Variants in COL21A1 observed in about 807,000 individuals in gnomAD.
The protein encoded by COL21A1 is collagen type XXI alpha 1 chain.
A neutral mutation model predicts 137.9 loss-of-function variants in COL21A1; 149 were observed. That is an observed-to-expected ratio of 1.08 (90% CI 0.95 to 1.24). The LOEUF is 1.24. Among genes scored for constraint, COL21A1 ranks in the 50% most tolerant of loss-of-function variants. The pLI, the probability that COL21A1 is intolerant of heterozygous loss-of-function variation, is 0.00. For missense variants in COL21A1, 1,167 were observed against 1,158.4 expected (o/e 1.01, Z -0.11); for synonymous variants, 456 against 391.5 (o/e 1.16, Z -1.95).
In COL21A1 at chr6:56,180,247, G is replaced by A; in HGVS notation, c.89-118C>T. ...TATCATTGCTTATTTTAAATTGTCT[G>A]TGAAATATGTTTAGCTTAATGCTAA... On this transcript the variant is annotated intron_variant, in intron 2 of 29. Coordinates refer to ENST00000244728, the MANE Select transcript of COL21A1 (RefSeq NM_030820.4). 9.1e-6 allele frequency: 7 copies of A among 772,856 alleles called. No homozygotes were observed. The South Asian group carries it at 1.1e-4, about 12-fold the overall frequency. The allele number at this position is 772,856 out of a possible 1,614,324, so 47.9% of individuals were successfully genotyped here. A position where few individuals can be genotyped will look rare whatever the true frequency, so the allele number is the denominator to read the frequency against.
chr6:56,152,458 C>T (rs941753366), intron 10 of COL21A1, among the ~76,000 whole-genome samples: 3 of 152,144 alleles, frequency 2.0e-5, no homozygotes, highest in Admixed American at 1.3e-4. Context: ...ATTATTCTTC[C>T]TACCACAGTT....
chr6:56,120,799 T>TAAAAAAAAAAAAAAAAACAAAAAAAAAA (rs1772425482), intron 16 of COL21A1, among the ~76,000 whole-genome samples: 1 of 136,332 alleles, frequency 7.3e-6, no homozygotes, highest in African/African-American at 2.7e-5. Context: ...TGTCTCAATT[T>TAAAAAAAAAAAAAAAAACAAAAAAAAAA]AAAAAAAAAA....
intron 3 of COL21A1, among the ~76,000 whole-genome samples, chr6:56,172,939 A>T (rs1216356896): frequency 6.6e-6 from 1 of 152,130 alleles, no homozygotes; most frequent in Non-Finnish European, 1.5e-5. Context: ...ATCACTACAA[A>T]AAAAGCAATA....
intron 1 of COL21A1, among the ~76,000 whole-genome samples, chr6:56,191,535 C>T (rs1056082867): frequency 2.8e-5 from 4 of 145,418 alleles, no homozygotes; most frequent in African/African-American, 7.7e-5. Flanking sequence ...GAGGTTGCAG[C>T]GAGCTGAGAT....
chr6:56,369,626 T>C (rs1766184601), intron 1 of COL21A1, among the ~76,000 whole-genome samples: 1 of 152,158 alleles, frequency 6.6e-6, no homozygotes, highest in Admixed American at 6.5e-5. Flanking sequence ...TAAGATATGA[T>C]AAAAGGAGTT....
chr6:56,282,337 A>G (rs966885544), intron 1 of COL21A1, among the ~76,000 whole-genome samples: 4 of 148,756 alleles, frequency 2.7e-5, no homozygotes, highest in Non-Finnish European at 4.4e-5. Flanking sequence ...CTTCTTGTAC[A>G]TTAAGATTTT....
rs1285906078 is a variant in COL21A1, at chr6:56,327,827, G to T, written c.-39+66144C>A. 2.0e-5 allele frequency among the ~76,000 whole-genome samples: 3 copies of T among 151,996 alleles called. No homozygotes were observed. In the East Asian group the frequency reaches 5.8e-4, roughly 29 times the overall value. Reference sequence around the variant, plus strand: ...ATTATCACAGTACCTACCTGCTAGGGTTGCTATGAAGAATAATGAGACAAC... The same window carrying T: ...ATTATCACAGTACCTACCTGCTAGGTTTGCTATGAAGAATAATGAGACAAC... On this transcript the variant is annotated intron_variant, in intron 1 of 28. Transcript: ENST00000370819.
At chr6:56,159,861 G>A (rs1776063450) in intron 9 of COL21A1, among the ~76,000 whole-genome samples, 1 of 151,986 alleles carries the variant, frequency 6.6e-6, no homozygotes, top group Admixed American at 6.6e-5. Flanking sequence ...TGCTTTTTAT[G>A]CTGCATACAA....
intron 1 of COL21A1, among the ~76,000 whole-genome samples, chr6:56,322,264 C>G (rs1582779182): frequency 1.3e-5 from 2 of 152,248 alleles, no homozygotes; most frequent in Non-Finnish European, 2.9e-5. Context: ...CAATTCTTCT[C>G]CATAACAACG....
intron 1 of COL21A1, among the ~76,000 whole-genome samples, chr6:56,383,362 G>A (rs964251585): frequency 1.6e-4 from 24 of 152,188 alleles, no homozygotes; most frequent in Non-Finnish European, 2.8e-4. Flanking sequence ...ATCATACTGG[G>A]ATTAAGGTTT....
chr6:56,157,500 G>A (rs1372112443), intron 9 of COL21A1, among the ~76,000 whole-genome samples: 2 of 151,838 alleles, frequency 1.3e-5, no homozygotes, highest in African/African-American at 4.8e-5. Flanking sequence ...TAGTAGAGAT[G>A]GGGTTTCACC....
intron 3 of COL21A1, among the ~76,000 whole-genome samples, chr6:56,172,724 A>G (rs1390487813): frequency 1.3e-5 from 2 of 152,208 alleles, no homozygotes; most frequent in Non-Finnish European, 2.9e-5. Context: ...TAACTTTAAA[A>G]ATATGTTAAC....
intron 1 of COL21A1, among the ~76,000 whole-genome samples, chr6:56,233,810 C>A (rs1212791319): frequency 1.6e-5 from 2 of 123,604 alleles, no homozygotes; most frequent in African/African-American, 6.1e-5. Flanking sequence ...CAAAAAAATC[C>A]TAAGTGTTTG....
intron 1 of COL21A1, among the ~76,000 whole-genome samples, chr6:56,243,104 TCCCTAA>T (rs956143109): frequency 6.6e-6 from 1 of 152,206 alleles, no homozygotes; most frequent in African/African-American, 2.4e-5. Context: ...AATTCTAATA[TCCCTAA>T]CCATTCTAAA....
At chr6:56,355,596 C>G (rs6915291) in intron 1 of COL21A1, among the ~76,000 whole-genome samples, 3 of 151,910 alleles carry the variant, frequency 2.0e-5, no homozygotes, top group African/African-American at 7.3e-5. Flanking sequence ...GGATATTTCA[C>G]GTTATTAAGG....
chr6:56,143,807 A>AT (rs966054528), intron 10 of COL21A1, among the ~76,000 whole-genome samples: 1 of 152,086 alleles, frequency 6.6e-6, no homozygotes, highest in Admixed American at 6.6e-5. Flanking sequence ...TCATTTCTGT[A>AT]TTTTTGGCAT....
intron 1 of COL21A1, among the ~76,000 whole-genome samples, chr6:56,305,837 C>G (rs1764436095): frequency 6.6e-6 from 1 of 151,534 alleles, no homozygotes; most frequent in African/African-American, 2.4e-5. Context: ...CCTCGATGGT[C>G]TTTACAATTT....
At chr6:56,260,251 TAAAC>T (rs1763219168) in intron 1 of COL21A1, among the ~76,000 whole-genome samples, 1 of 152,058 alleles carries the variant, frequency 6.6e-6, no homozygotes, top group South Asian at 2.1e-4. Flanking sequence ...TAAAAATAAT[TAAAC>T]AAAAGATGTG....
In COL21A1 at chr6:56,292,400, C is replaced by CCCT. The variant is rs913386973; in HGVS notation, c.-39+101570_-39+101571insAGG. 1.7e-4 allele frequency among the ~76,000 whole-genome samples: 24 copies of CCCT among 141,418 alleles called. 1 individual carries two copies. Among genetic ancestry groups the CCCT allele is most frequent in the African/African-American group, 2.5e-4 (10 of 40,152 alleles). The allele number at this position is 141,418 out of a possible 152,430, so 92.8% of individuals were successfully genotyped here. ...TATCAACAAAACAGGGACCCCCCCCCTCCCCCGCCAAAGAGAGTCTGGGTT... is the reference window on the plus strand; with the variant it reads ...TATCAACAAAACAGGGACCCCCCCCCCCTTCCCCCGCCAAAGAGAGTCTGGGTT... On this transcript the variant is annotated intron_variant, in intron 1 of 28. Coordinates refer to the COL21A1 transcript ENST00000370819.
Sources: allele counts gnomAD v4.1 joint callset (sites outside exome capture counted in the v4.1 genomes callset), GRCh38; gene constraint gnomAD v4.1.1; transcripts MANE v1.5; gene names NCBI Gene and HGNC (gene_info 2026-07-23, HGNC 2026-07-21).